Variants in CAPZA2 observed in about 807,000 individuals in gnomAD.
CAPZA2 encodes capping actin protein of muscle Z-line subunit alpha 2.
A neutral mutation model predicts 44.0 loss-of-function variants in CAPZA2; 13 were observed. That is an observed-to-expected ratio of 0.30 (90% CI 0.19 to 0.47). The LOEUF (loss-of-function observed/expected upper bound fraction) is 0.47, where lower values mean the gene tolerates loss of function less well. Ranked by LOEUF, CAPZA2 falls within the 20% of genes least tolerant of loss-of-function variation. The pLI, the probability that CAPZA2 is intolerant of heterozygous loss-of-function variation, is 1.00. For missense variants in CAPZA2, 244 were observed against 338.6 expected (o/e 0.72, Z 2.19); for synonymous variants, 94 against 108.2 (o/e 0.87, Z 0.81).
chr7:116,892,480 C>T (rs748853633), intron 2 of CAPZA2, among the ~76,000 whole-genome samples: 14 of 151,992 alleles, frequency 9.2e-5, no homozygotes, highest in Non-Finnish European at 1.9e-4. Flanking sequence ...TAAATCTTTT[C>T]TGCAGACTTT....
intron 4 of CAPZA2, among the ~76,000 whole-genome samples, chr7:116,901,474 CACA>C (rs1796993902): frequency 6.6e-6 from 1 of 151,944 alleles, no homozygotes; most frequent in Non-Finnish European, 1.5e-5. Context: ...GAACACATGA[CACA>C]TAGAGGGGAA....
At chr7:116,904,928 C>T (rs1043411771) in intron 5 of CAPZA2, among the ~76,000 whole-genome samples, 7 of 144,450 alleles carry the variant, frequency 4.8e-5, no homozygotes, top group African/African-American at 2.6e-5. Flanking sequence ...ATCAGGAGTT[C>T]GAGACCTGCC....
chr7:116,886,774 A>G (rs58669400), intron 1 of CAPZA2, among the ~76,000 whole-genome samples: 6,193 of 152,292 alleles, frequency 0.041, 161 homozygotes, highest in Non-Finnish European at 0.06. Context: ...CTGCTTGCCT[A>G]AGGACTACAC....
At chr7:116,880,224 A>G in intron 1 of CAPZA2, 1 of 378,376 alleles carries the variant, frequency 2.6e-6, no homozygotes, top group South Asian at 2.0e-5. Flanking sequence ...CTAAACTAGA[A>G]CAGTTTATTT....
chr7:116,890,611 C>T (rs1362563786), intron 2 of CAPZA2, among the ~76,000 whole-genome samples: 3 of 64,266 alleles, frequency 4.7e-5, no homozygotes, highest in African/African-American at 1.7e-4. Context: ...CACACACACA[C>T]ACATATATAC....
intron 1 of CAPZA2, among the ~76,000 whole-genome samples, chr7:116,887,180 AT>A (rs1158736601): frequency 6.6e-6 from 1 of 152,040 alleles, no homozygotes; most frequent in African/African-American, 2.4e-5. Context: ...CACATAGAAA[AT>A]TTTGTCATTG....
chr7:116,904,128 T>C (rs1797029222), intron 4 of CAPZA2, 49 bp from the exon 5 acceptor site: 5 of 1,145,822 alleles, frequency 4.4e-6, no homozygotes, highest in Middle Eastern at 4.7e-4. Flanking sequence ...GTATCAATAT[T>C]GAAATGCTGT....
intron 8 of CAPZA2, among the ~76,000 whole-genome samples, chr7:116,914,306 G>A (rs1428980349): frequency 6.6e-6 from 1 of 152,082 alleles, no homozygotes; most frequent in African/African-American, 2.4e-5. Flanking sequence ...TGGGATTACA[G>A]GCGTGAGCCA....
intron 1 of CAPZA2, among the ~76,000 whole-genome samples, chr7:116,877,999 C>T (rs938850204): frequency 1.3e-5 from 2 of 152,136 alleles, no homozygotes; most frequent in Non-Finnish European, 1.5e-5. Context: ...AAGAGACACT[C>T]GCTGATCATG....
intron 1 of CAPZA2, among the ~76,000 whole-genome samples, chr7:116,886,962 C>T (rs531775336): frequency 1.6e-4 from 24 of 152,278 alleles, no homozygotes; most frequent in Non-Finnish European, 3.2e-4. Context: ...TAAAATATGC[C>T]TGTTAGCACA....
chr7:116,912,510 C>G (rs1185525312), intron 8 of CAPZA2, among the ~76,000 whole-genome samples: 1 of 152,154 alleles, frequency 6.6e-6, no homozygotes, highest in Non-Finnish European at 1.5e-5. Flanking sequence ...CCCTCCCAGC[C>G]CTAGGCAGTG....
intron 1 of CAPZA2, among the ~76,000 whole-genome samples, chr7:116,886,378 C>T (rs1796762060): frequency 6.6e-6 from 1 of 152,142 alleles, no homozygotes; most frequent in South Asian, 2.1e-4. Flanking sequence ...ATACATGTGA[C>T]CTCTAACTAG....
intron 1 of CAPZA2, among the ~76,000 whole-genome samples, chr7:116,880,493 A>C (rs1224486723): frequency 6.6e-6 from 1 of 150,610 alleles, no homozygotes; most frequent in African/African-American, 2.4e-5. Context: ...TGCCTCCCGG[A>C]TTCAAGCAAT....
chr7:116,904,698 GTTATTT>G (rs1030574597), intron 5 of CAPZA2: 4 of 194,152 alleles, frequency 2.1e-5, no homozygotes, highest in African/African-American at 9.3e-5. Flanking sequence ...TTAGATCAAA[GTTATTT>G]TTATTAAGTC....
intron 1 of CAPZA2, among the ~76,000 whole-genome samples, chr7:116,872,471 T>C (rs922040482): frequency 1.3e-5 from 2 of 152,100 alleles, no homozygotes; most frequent in Admixed American, 1.3e-4. Context: ...TAATTACCAA[T>C]CAAAATGATA....
chr7:116,875,130 G>A (rs1487273671), intron 1 of CAPZA2: 1 of 151,996 alleles, frequency 6.6e-6, no homozygotes, highest in African/African-American at 2.4e-5. Context: ...ATCTGGTTTT[G>A]AAAGATGAAT....
chr7:116,900,636 G>A (rs1027170490), intron 4 of CAPZA2, among the ~76,000 whole-genome samples: 2 of 151,694 alleles, frequency 1.3e-5, no homozygotes, highest in African/African-American at 2.4e-5. Context: ...AAATAGTGAC[G>A]GTCTTCTCAA....
chr7:116,862,751 C>A (rs2115853860), intron 1 of CAPZA2, 101 bp downstream of exon 1: 1 of 1,313,724 alleles, frequency 7.6e-7, no homozygotes, highest in Non-Finnish European at 1.0e-6. Context: ...TGGCCCGCAG[C>A]TGGCCTTGCC....
chr7:116,915,916 A>C (rs1350741186), intron 8 of CAPZA2, 144 bp from the exon 9 acceptor site: 2 of 559,510 alleles, frequency 3.6e-6, no homozygotes, highest in Admixed American at 8.5e-5. Context: ...TAGACTTAGA[A>C]TAATTGATCT....
Sources: allele counts gnomAD v4.1 joint callset (sites outside exome capture counted in the v4.1 genomes callset), GRCh38; gene constraint gnomAD v4.1.1; transcripts MANE v1.5; gene names NCBI Gene and HGNC (gene_info 2026-07-23, HGNC 2026-07-21).